Variants in PTPRD observed in about 807,000 individuals in gnomAD.
The protein encoded by PTPRD is receptor-type tyrosine-protein phosphatase delta.
In PTPRD, 34 loss-of-function variants were observed where a neutral mutation model predicts 214.5. The ratio of observed to expected loss-of-function variants is 0.16; its 90% CI spans 0.12 to 0.21. PTPRD has a LOEUF of 0.21. PTPRD is among the 10% of genes least tolerant of loss of function. PTPRD has a pLI of 1.00. For synonymous variants in PTPRD, 1,128 were observed against 845.7 expected, an observed-to-expected ratio of 1.33 and a Z score of -5.79; for missense variants, 2,545 against 2,398.7, an observed-to-expected ratio of 1.06 and a Z score of -1.27.
chr9:9,964,927 G>C (rs569236558), intron 4 of PTPRD, among the ~76,000 whole-genome samples: 18 of 152,030 alleles, frequency 1.2e-4, no homozygotes, highest in African/African-American at 4.1e-4. Context: ...ACTTATTTTT[G>C]TCCTAATTTT....
intron 2 of PTPRD, among the ~76,000 whole-genome samples, chr9:10,550,187 T>C (rs1045057129): frequency 2.0e-5 from 3 of 152,224 alleles, no homozygotes; most frequent in African/African-American, 7.2e-5. Flanking sequence ...TCACTACAGT[T>C]TCCTATTCCA....
At chr9:8,875,960 A>T (rs1436202525) in intron 11 of PTPRD, among the ~76,000 whole-genome samples, 1 of 152,222 alleles carries the variant, frequency 6.6e-6, no homozygotes, top group Non-Finnish European at 1.5e-5. Context: ...CGAGACACTG[A>T]ATTCACCAAT....
At chr9:8,622,795 A>G (rs377604406) in intron 14 of PTPRD, among the ~76,000 whole-genome samples, 2 of 152,088 alleles carry the variant, frequency 1.3e-5, no homozygotes, top group South Asian at 4.1e-4. Context: ...AGTCTGCAAG[A>G]AAATAATATT....
intron 3 of PTPRD, among the ~76,000 whole-genome samples, chr9:10,136,521 A>G (rs1324655997): frequency 6.6e-6 from 1 of 152,162 alleles, no homozygotes; most frequent in Non-Finnish European, 1.5e-5. Context: ...AATAGAAATT[A>G]TACCAAACAA....
At chr9:8,392,111 G>A (rs1247314290) in intron 36 of PTPRD, among the ~76,000 whole-genome samples, 4 of 152,036 alleles carry the variant, frequency 2.6e-5, no homozygotes, top group African/African-American at 9.7e-5. Context: ...TGGGCAAAGT[G>A]TAGTAATTCA....
intron 11 of PTPRD, among the ~76,000 whole-genome samples, chr9:8,801,797 T>A (rs937151127): frequency 1.2e-4 from 18 of 152,194 alleles, no homozygotes; most frequent in African/African-American, 4.3e-4. Flanking sequence ...TGTTACTTCT[T>A]TCACTGTGTG....
chr9:10,359,013 T>C (rs747795294), intron 2 of PTPRD, among the ~76,000 whole-genome samples: 14 of 152,068 alleles, frequency 9.2e-5, no homozygotes, highest in South Asian at 4.1e-4. Context: ...ACTGGCTAAG[T>C]TGTTTTTTCC....
intron 2 of PTPRD, among the ~76,000 whole-genome samples, chr9:10,525,337 T>C (rs1043830473): frequency 6.6e-6 from 1 of 152,032 alleles, no homozygotes; most frequent in Non-Finnish European, 1.5e-5. Context: ...GATGCCACAA[T>C]GCAAAGAATG....
chr9:9,242,483 A>C (rs2099970850), intron 9 of PTPRD, among the ~76,000 whole-genome samples: 1 of 152,120 alleles, frequency 6.6e-6, no homozygotes, highest in Non-Finnish European at 1.5e-5. Context: ...CAGGTACACC[A>C]ATCAGACGTA....
In PTPRD at chr9:9,059,467, G is replaced by A. The variant is rs538531155; in HGVS notation, c.-142-40732C>T. The stretch of plus-strand genomic sequence containing the variant: ...AGTATATAGAAATCAAAAACAAAAA[G>A]AAGAAAAAACCAGAAAATAACCCAG... On this transcript the variant is annotated intron_variant, in intron 10 of 45. Transcript: ENST00000381196. Among the ~76,000 whole-genome samples, 17 of 152,136 alleles carry A rather than the reference G, an allele frequency of 1.1e-4. No individual in the cohort carries two copies. The South Asian group carries it at 3.5e-3, about 32-fold the overall frequency.
chr9:8,318,728 A>G (rs980446731), intron 45 of PTPRD, among the ~76,000 whole-genome samples: 2 of 151,850 alleles, frequency 1.3e-5, no homozygotes, highest in Admixed American at 6.6e-5. Context: ...GGCACACACT[A>G]AAAAAAAGCA....
chr9:9,273,575 AT>A (rs1446905855), intron 9 of PTPRD, among the ~76,000 whole-genome samples: 4 of 151,444 alleles, frequency 2.6e-5, no homozygotes, highest in Admixed American at 2.6e-4. Flanking sequence ...CTGTGAAAAC[AT>A]TTTAATGTTT....
intron 4 of PTPRD, among the ~76,000 whole-genome samples, chr9:9,987,947 T>C (rs555281272): frequency 6.6e-6 from 1 of 152,310 alleles, no homozygotes; most frequent in East Asian, 1.9e-4. Flanking sequence ...TAGGGTAATA[T>C]TAAGCTGACA....
chr9:10,429,642 T>C (rs909201128), intron 2 of PTPRD, among the ~76,000 whole-genome samples: 4 of 151,244 alleles, frequency 2.6e-5, no homozygotes, highest in Non-Finnish European at 4.4e-5. Context: ...CACATAGGCA[T>C]ATAATGACAG....
intron 3 of PTPRD, among the ~76,000 whole-genome samples, chr9:10,214,772 C>A (rs2099533787): frequency 6.6e-6 from 1 of 152,008 alleles, no homozygotes; most frequent in Non-Finnish European, 1.5e-5. Flanking sequence ...CTCCATTATC[C>A]TTTTTGTATT....
chr9:9,624,077 C>T (rs989472357), intron 7 of PTPRD, among the ~76,000 whole-genome samples: 6 of 152,060 alleles, frequency 3.9e-5, no homozygotes, highest in African/African-American at 9.7e-5. Flanking sequence ...ATGACATGAT[C>T]GTCATAATCA....
intron 5 of PTPRD, among the ~76,000 whole-genome samples, chr9:9,931,899 C>A (rs541922105): frequency 0.038 from 5,774 of 151,112 alleles, 125 homozygotes; most frequent in Non-Finnish European, 0.056. Context: ...CAGACTGCCT[C>A]CTCAAGTGGG....
At chr9:10,198,216 A>C (rs529700399) in intron 3 of PTPRD, among the ~76,000 whole-genome samples, 7 of 152,298 alleles carry the variant, frequency 4.6e-5, no homozygotes, top group African/African-American at 1.7e-4. Context: ...AGCTATAAGA[A>C]GAACTAACAA....
rs143440555 is a variant in PTPRD at position 8,833,081 on chromosome 9, A to G, written c.-103-99135T>C. ...GCGACCCAGAAATCTTAATAACAGC[A>G]TTGGCACATCCAGTTCATACACAGG... On this transcript the variant is annotated intron_variant, in intron 11 of 45. Coordinates refer to ENST00000381196, the MANE Select transcript of PTPRD (RefSeq NM_002839.4). Among the ~76,000 whole-genome samples the G allele has an allele frequency of 6.9e-3, 1,048 of 152,266 alleles. 5 individuals carry two copies. The highest frequency in any genetic ancestry group is 0.011 in the Non-Finnish European group (761 of 67,982).
Sources: gnomAD v4.1 joint callset for allele counts (sites outside exome capture counted in the v4.1 genomes callset) on GRCh38, gnomAD v4.1.1 for gene constraint, MANE v1.5 for transcripts, NCBI Gene and HGNC (gene_info 2026-07-23, HGNC 2026-07-21) for gene names.